The following ASAP1 variants were observed in gnomAD, a reference collection of about 807,000 sequenced individuals.
The protein encoded by ASAP1 is arf-GAP with SH3 domain, ANK repeat and PH domain-containing protein 1.
In ASAP1, 43 loss-of-function variants were observed where a neutral mutation model predicts 145.2. That is an observed-to-expected ratio of 0.30 (90% CI 0.23 to 0.38). The LOEUF (loss-of-function observed/expected upper bound fraction) is 0.38. Ranked by LOEUF, ASAP1 falls within the 10% of genes least tolerant of loss-of-function variation. The pLI is 1.00. For synonymous variants in ASAP1, 546 were observed against 515.5 expected (o/e 1.06, Z -0.80); for missense variants, 1,018 against 1,355.3 (o/e 0.75, Z 3.91).
chr8:130,229,265 A>T (rs1817766917), intron 4 of ASAP1, among the ~76,000 whole-genome samples: 1 of 152,368 alleles, frequency 6.6e-6, no homozygotes, highest in African/African-American at 2.4e-5. Context: ...TCACATTGAC[A>T]TGTGAACTAG....
At chr8:130,247,091 A>G (rs1818896262) in intron 3 of ASAP1, 1 of 152,180 alleles carries the variant, frequency 6.6e-6, no homozygotes, top group Non-Finnish European at 1.5e-5. Flanking sequence ...GCTACCACAC[A>G]CTGACTGTGT....
At chr8:130,119,284 G>C (rs940499001) in intron 18 of ASAP1, among the ~76,000 whole-genome samples, 2 of 152,126 alleles carry the variant, frequency 1.3e-5, no homozygotes, top group Admixed American at 6.6e-5. Context: ...CTAAGGCTCA[G>C]AAAGGCTGTC....
chr8:130,097,960 T>C (rs1164258115), intron 24 of ASAP1, among the ~76,000 whole-genome samples: 1 of 152,220 alleles, frequency 6.6e-6, no homozygotes, highest in Non-Finnish European at 1.5e-5. Flanking sequence ...CCTTAAAAAA[T>C]GAAAATTAAT....
At chr8:130,281,712 T>C (rs910362801) in intron 3 of ASAP1, among the ~76,000 whole-genome samples, 1 of 152,244 alleles carries the variant, frequency 6.6e-6, no homozygotes, top group African/African-American at 2.4e-5. Context: ...CTCATTTTCC[T>C]CTAAGAAACT....
rs1388442235 is a variant in ASAP1, at chr8:130,318,086, ATGT to A, written c.186+39928_186+39930del. Among the ~76,000 whole-genome samples, 4 of 152,130 alleles carry A rather than the reference ATGT, an allele frequency of 2.6e-5. No homozygotes were observed. In the East Asian group the frequency reaches 7.7e-4, roughly 29 times the overall value. ...TTGTTTGATGGAATCCATGGACCAG[ATGT>A]TGTTTTTTATTTTTATTCTTTCCTG... On this transcript the variant is annotated intron_variant, in intron 3 of 29. Coordinates refer to ENST00000518721, the MANE Select transcript of ASAP1 (RefSeq NM_018482.4).
chr8:130,348,788 T>C (rs1281250651), intron 3 of ASAP1, among the ~76,000 whole-genome samples: 1 of 152,192 alleles, frequency 6.6e-6, no homozygotes, highest in Non-Finnish European at 1.5e-5. Context: ...GCACCTAACC[T>C]AGCTGCCATG....
chr8:130,173,840 A>C (rs1435067121), intron 9 of ASAP1, among the ~76,000 whole-genome samples: 25 of 151,768 alleles, frequency 1.6e-4, no homozygotes, highest in Admixed American at 1.6e-3. Context: ...TGGGAGGCCG[A>C]GATGGGTAGA....
At chr8:130,233,006 T>G (rs1045388834) in intron 4 of ASAP1, among the ~76,000 whole-genome samples, 1 of 152,212 alleles carries the variant, frequency 6.6e-6, no homozygotes, top group Admixed American at 6.5e-5. Flanking sequence ...ACTGTTTTAC[T>G]CATTTAGTCA....
At chr8:130,239,083 A>C (rs1401118584) in intron 3 of ASAP1, among the ~76,000 whole-genome samples, 1 of 152,138 alleles carries the variant, frequency 6.6e-6, no homozygotes, top group African/African-American at 2.4e-5. Flanking sequence ...GATAGAAGAC[A>C]CTTTGAAAAT....
chr8:130,150,333 G>A (rs1317529129), intron 13 of ASAP1, among the ~76,000 whole-genome samples: 4 of 152,108 alleles, frequency 2.6e-5, no homozygotes, highest in Non-Finnish European at 1.5e-5. Context: ...GAGGGGGAAG[G>A]GAACTTATTT....
chr8:130,053,758 C>CA lies in ASAP1; in HGVS notation c.*972dup, dbSNP rs1325484314. 1 of 152,184 alleles carries CA rather than the reference C, an allele frequency of 6.6e-6. No individual in the cohort carries two copies. The highest frequency in any genetic ancestry group is 1.5e-5 in the Non-Finnish European group (1 of 68,042). 9.4% of individuals were successfully genotyped at this position (152,184 alleles called of 1,614,324 possible). A position where few individuals can be genotyped will look rare whatever the true frequency, so the allele number is the denominator to read the frequency against. On this transcript the variant is annotated 3_prime_UTR_variant, in exon 30 of 30. Coordinates refer to ENST00000518721, the MANE Select transcript of ASAP1 (RefSeq NM_018482.4). ...TGCTTCAACACATCTGAGAGATGTG[C>CA]ATTCATAACACAATATGTCAATCCA...
intron 3 of ASAP1, among the ~76,000 whole-genome samples, chr8:130,295,062 A>C (rs1822180940): frequency 6.6e-6 from 1 of 152,158 alleles, no homozygotes; most frequent in East Asian, 1.9e-4. Context: ...CCAGGAGTTC[A>C]AGACCAGCCT....
intron 2 of ASAP1, among the ~76,000 whole-genome samples, chr8:130,362,886 A>G (rs1478434722): frequency 6.6e-6 from 1 of 152,214 alleles, no homozygotes; most frequent in African/African-American, 2.4e-5. Context: ...TTCATGCAAC[A>G]TAGTCCCTGT....
At chr8:130,192,904 A>G (rs987263509) in intron 5 of ASAP1, among the ~76,000 whole-genome samples, 3 of 152,230 alleles carry the variant, frequency 2.0e-5, no homozygotes, top group South Asian at 2.1e-4. Context: ...TAACTGATGG[A>G]AAGTTACGTG....
At chr8:130,095,131 T>C (rs2097514509) in intron 24 of ASAP1, among the ~76,000 whole-genome samples, 1 of 152,104 alleles carries the variant, frequency 6.6e-6, no homozygotes, top group African/African-American at 2.4e-5. Context: ...TATTGCTGAG[T>C]ATAATCTCTA....
intron 3 of ASAP1, among the ~76,000 whole-genome samples, chr8:130,323,813 T>C (rs578145656): frequency 1.3e-5 from 2 of 152,310 alleles, no homozygotes; most frequent in Admixed American, 1.3e-4. Context: ...CCTCTAGCCT[T>C]GAGAGACATC....
chr8:130,191,363 G>C (rs565108074), intron 5 of ASAP1, among the ~76,000 whole-genome samples: 2 of 152,314 alleles, frequency 1.3e-5, no homozygotes, highest in African/African-American at 4.8e-5. Flanking sequence ...GGAAAGGTTT[G>C]TGGGTCCCCT....
At chr8:130,058,204 T>C (rs2097408690) in intron 28 of ASAP1, 128 bp from the exon 29 acceptor site, 11 of 1,004,658 alleles carry the variant, frequency 1.1e-5, no homozygotes, top group Non-Finnish European at 1.6e-5. Flanking sequence ...TCCTCACCCT[T>C]GAAGGGCGGG....
chr8:130,228,679 C>A (rs1817727848), intron 4 of ASAP1, among the ~76,000 whole-genome samples: 1 of 135,850 alleles, frequency 7.4e-6, no homozygotes, highest in Non-Finnish European at 1.5e-5. Context: ...CCAGCCTGGG[C>A]AACAGAGTGA....
Sources: gnomAD v4.1 joint callset for allele counts (sites outside exome capture counted in the v4.1 genomes callset) on GRCh38, gnomAD v4.1.1 for gene constraint, MANE v1.5 for transcripts, NCBI Gene and HGNC (gene_info 2026-07-23, HGNC 2026-07-21) for gene names.